The following CBFA2T3 variants were observed in gnomAD, a reference collection of about 807,000 sequenced individuals.
The protein encoded by CBFA2T3 is transcriptional corepressor CBFA2T3.
A neutral mutation model predicts 58.6 loss-of-function variants in CBFA2T3; 31 were observed. The ratio of observed to expected loss-of-function variants is 0.53; its 90% confidence interval spans 0.40 to 0.71. CBFA2T3 has a LOEUF of 0.71. CBFA2T3 is among the 30% of genes least tolerant of loss of function. CBFA2T3 has a pLI of 0.00. For synonymous variants in CBFA2T3, 531 were observed against 421.9 expected (o/e 1.26, Z -3.17); for missense variants, 1,076 against 963.1 (o/e 1.12, Z -1.55).
At chr16:88,894,148 C>T (rs1969767411) in intron 3 of CBFA2T3, among the ~76,000 whole-genome samples, 1 of 151,956 alleles carries the variant, frequency 6.6e-6, no homozygotes, top group African/African-American at 2.4e-5. Context: ...ACCACCCTTA[C>T]ACACATGCAC....
rs1434710235 is a variant in CBFA2T3, at chr16:88,958,664, G to A, written c.151+17993C>T. On this transcript the variant is annotated intron_variant, in intron 1 of 11. Coordinates refer to ENST00000268679, the MANE Select transcript of CBFA2T3 (RefSeq NM_005187.6). This position sits in a 1 kb window ranked among gnomAD's most constrained non-coding sequence, Gnocchi z 4.0. ...AGCAGCCCAGCACTACCTTTGGAGG[G>A]AGACAAACTCGCTCCCCCAGGGCCG... Among the ~76,000 whole-genome samples, 1 of 152,120 alleles carries A rather than the reference G, an allele frequency of 6.6e-6. No homozygotes were observed. Among genetic ancestry groups the A allele is most frequent in the African/African-American group, 2.4e-5 (1 of 41,430 alleles).
At position 88,953,534 on chromosome 16, in the gene CBFA2T3, T is replaced by C. The variant is rs1972134420; in HGVS notation, c.151+23123A>G. Reference sequence around the variant, plus strand: ...GACCCTGAGTGTGGGGAGGCTGGGGTTGAGCAGTGGGGATCAGGATCTGGC... The same window carrying C: ...GACCCTGAGTGTGGGGAGGCTGGGGCTGAGCAGTGGGGATCAGGATCTGGC... On this transcript the variant is annotated intron_variant, in intron 1 of 11. Transcript: ENST00000268679. This position sits in a 1 kb window ranked among gnomAD's most constrained non-coding sequence, Gnocchi z 4.9. Among the ~76,000 whole-genome samples the C allele has an allele frequency of 1.4e-5, 2 of 142,832 alleles. No homozygotes were observed. The highest frequency in any genetic ancestry group is 1.3e-4 in the Admixed American group (2 of 14,918). The allele number at this position is 142,832 out of a possible 152,430, so 93.7% of individuals were successfully genotyped here.
intron 1 of CBFA2T3, among the ~76,000 whole-genome samples, chr16:88,943,826 AG>A (rs1971827392): frequency 6.6e-6 from 1 of 152,200 alleles, no homozygotes; most frequent in Non-Finnish European, 1.5e-5. Flanking sequence ...GGGACATTTA[AG>A]GAGGAGACTA....
rs1969396457 is a variant in CBFA2T3 at position 88,886,827 on chromosome 16, C to CGT, written c.712-687_712-686dup. 2.0e-5 allele frequency: 3 copies of CGT among 152,346 alleles called. No homozygotes were observed. The South Asian group carries it at 6.2e-4, about 32-fold the overall frequency. The allele number at this position is 152,346 out of a possible 1,614,324, so 9.4% of individuals were successfully genotyped here. On this transcript the variant is annotated intron_variant, in intron 5 of 11. Coordinates refer to ENST00000268679, the MANE Select transcript of CBFA2T3 (RefSeq NM_005187.6). ...TTGGTGAGGACGGCCTCAAGACCCA[C>CGT]GTGTGCGGGTAAAGACTCCGCAGCA...
At chr16:88,893,625 G>A (rs894230688) in intron 3 of CBFA2T3, among the ~76,000 whole-genome samples, 5 of 152,234 alleles carry the variant, frequency 3.3e-5, no homozygotes, top group African/African-American at 9.6e-5. Flanking sequence ...AGGACAAGCA[G>A]GTGACATAAG....
chr16:88,888,167 C>T (rs1969458610), intron 5 of CBFA2T3, among the ~76,000 whole-genome samples: 1 of 151,952 alleles, frequency 6.6e-6, no homozygotes, highest in African/African-American at 2.4e-5. Flanking sequence ...AGGGCCCAAG[C>T]CAGGGCTGGG....
chr16:88,903,142 C>A (rs546421129), intron 1 of CBFA2T3, among the ~76,000 whole-genome samples: 1 of 152,326 alleles, frequency 6.6e-6, no homozygotes, highest in South Asian at 2.1e-4. Flanking sequence ...ACGGAGAGAT[C>A]CACCCAGGGC....
rs569276700 is a variant in CBFA2T3, at chr16:88,975,287, G to A, written c.151+1370C>T. On this transcript the variant is annotated intron_variant, in intron 1 of 11. Coordinates refer to ENST00000268679, the MANE Select transcript of CBFA2T3 (RefSeq NM_005187.6). Reference sequence around the variant, plus strand: ...TCATGCCTCTAGCCAGCAGCCCCTCGCATGACTCAGGCACGGGGCCACCTC... The same window carrying A: ...TCATGCCTCTAGCCAGCAGCCCCTCACATGACTCAGGCACGGGGCCACCTC... Among the ~76,000 whole-genome samples the A allele has an allele frequency of 2.4e-4, 34 of 141,100 alleles. No individual in the cohort carries two copies. The South Asian group carries it at 3.1e-3, about 13-fold the overall frequency. 92.6% of individuals were successfully genotyped at this position (141,100 alleles called of 152,430 possible).
chr16:88,896,797 C>T (rs1004190327), intron 3 of CBFA2T3, among the ~76,000 whole-genome samples: 48 of 152,296 alleles, frequency 3.2e-4, no homozygotes, highest in Non-Finnish European at 5.7e-4. Flanking sequence ...CCCCGGCCAG[C>T]CTGGGCCTGG....
rs372071789 is a variant in CBFA2T3 at position 88,891,867 on chromosome 16, C to T, written c.711+15G>A. The stretch of plus-strand genomic sequence containing the variant: ...AGGGAGGCTCCCGCAGCACGGGGGA[C>T]GGGTTTCGCATTACCTTCAGGAAGG... On this transcript the variant is annotated intron_variant, in intron 5 of 11. Coordinates refer to ENST00000268679, the MANE Select transcript of CBFA2T3 (RefSeq NM_005187.6). The T allele has an allele frequency of 1.6e-4, 246 of 1,581,400 alleles. No individual in the cohort carries two copies. The African/African-American group carries it at 2.9e-3, about 18-fold the overall frequency.
Position 88,892,281 on chromosome 16 carries a change from A to G in CBFA2T3, c.584T>C (p.Ile195Thr), listed in dbSNP as rs745793696. ...QQFGSDISPE[I>T]GERVRTLVLG... Reference sequence around the variant, plus strand: ...CACCAGTGTGCGCACGCGCTCCCCAATCTCTGGGGAGATGTCGCTGCCAAA... The same window carrying G: ...CACCAGTGTGCGCACGCGCTCCCCAGTCTCTGGGGAGATGTCGCTGCCAAA... The change falls in exon 4 of 12, where the codon ATT becomes ACT. Residue 195 changes from isoleucine to threonine, a missense_variant. Ile to Thr is a moderately conservative substitution (Grantham distance 89, BLOSUM62 -1). Transcript: ENST00000268679. The G allele has an allele frequency of 2.4e-5, 38 of 1,612,102 alleles. No homozygotes were observed. The highest frequency in any genetic ancestry group is 8.9e-5 in the East Asian group (4 of 44,882).
chr16:88,975,056 C>CATAT, intron 1 of CBFA2T3, among the ~76,000 whole-genome samples: 1 of 148,480 alleles, frequency 6.7e-6, no homozygotes, highest in Non-Finnish European at 1.5e-5. Context: ...ACATTGCAGC[C>CATAT]CCTAAGCAGG....
intron 1 of CBFA2T3, among the ~76,000 whole-genome samples, chr16:88,973,136 C>G (rs1972698893): frequency 6.6e-6 from 1 of 152,238 alleles, no homozygotes; most frequent in East Asian, 1.9e-4. Context: ...TCCCACCGCG[C>G]CCCCTTGATG....
chr16:88,928,788 G>C (rs1971173335), intron 1 of CBFA2T3, among the ~76,000 whole-genome samples: 1 of 152,252 alleles, frequency 6.6e-6, no homozygotes, highest in African/African-American at 2.4e-5. Context: ...GGTTGGGAGA[G>C]GCACGGGTGG....
chr16:88,925,968 G>C (rs1971074154), intron 1 of CBFA2T3, among the ~76,000 whole-genome samples: 1 of 152,240 alleles, frequency 6.6e-6, no homozygotes, highest in Admixed American at 6.5e-5. Context: ...CGGCTGTCCT[G>C]TCTCCCACAG....
intron 1 of CBFA2T3, among the ~76,000 whole-genome samples, chr16:88,934,416 A>G (rs1266923200): frequency 6.6e-6 from 1 of 152,262 alleles, no homozygotes; most frequent in African/African-American, 2.4e-5. Flanking sequence ...CTGAAGGAGC[A>G]GCTCGGCCGC....
intron 1 of CBFA2T3, 81 bp downstream of exon 1, chr16:88,976,576 C>T (rs938830196): frequency 1.2e-5 from 13 of 1,099,496 alleles, no homozygotes; most frequent in African/African-American, 6.2e-5. Context: ...GCAGGCCCCG[C>T]GAAGCTCTAA....
At chr16:88,894,167 G>A (rs1567587052) in intron 3 of CBFA2T3, among the ~76,000 whole-genome samples, 3 of 150,524 alleles carry the variant, frequency 2.0e-5, no homozygotes, top group Non-Finnish European at 4.4e-5. Context: ...ACGCACACAT[G>A]CACACACACA....
chr16:88,903,451 C>T (rs1012720875), intron 1 of CBFA2T3, among the ~76,000 whole-genome samples: 2 of 152,150 alleles, frequency 1.3e-5, no homozygotes, highest in African/African-American at 4.8e-5. Flanking sequence ...CCTGCTGTCC[C>T]CTCCGCACAG....
Sources: gnomAD v4.1 joint callset for allele counts (sites outside exome capture counted in the v4.1 genomes callset) on GRCh38, gnomAD v4.1.1 for gene constraint, Gnocchi (gnomAD v3.1) non-coding constraint, MANE v1.5 for transcripts, NCBI Gene and HGNC (gene_info 2026-07-23, HGNC 2026-07-21) for gene names.